Variants in PTPRE observed in about 807,000 individuals in gnomAD.
The protein encoded by PTPRE is protein tyrosine phosphatase receptor type E, also known as receptor-type tyrosine-protein phosphatase epsilon.
A neutral mutation model predicts 102.0 loss-of-function variants in PTPRE; 51 were observed. That is an observed-to-expected ratio of 0.50 (90% CI 0.40 to 0.63). PTPRE has a LOEUF of 0.63. PTPRE is among the 30% of genes least tolerant of loss of function. The pLI is 0.00. For missense variants in PTPRE, 752 were observed against 915.1 expected, an observed-to-expected ratio of 0.82 and a Z score of 2.30; for synonymous variants, 345 against 348.2, an observed-to-expected ratio of 0.99 and a Z score of 0.10.
chr10:127,938,048 A>C (rs912232075), intron 1 of PTPRE, among the ~76,000 whole-genome samples: 1 of 152,192 alleles, frequency 6.6e-6, no homozygotes, highest in Non-Finnish European at 1.5e-5. Flanking sequence ...ATATTTCAGG[A>C]TGGCAGTCAA....
chr10:128,059,002 T>G (rs1209849864), intron 7 of PTPRE, among the ~76,000 whole-genome samples: 7 of 152,204 alleles, frequency 4.6e-5, no homozygotes, highest in African/African-American at 1.7e-4. Flanking sequence ...AGGCCTCTTT[T>G]CTGGAAAAGT....
chr10:128,010,103 C>A (rs573663049), intron 2 of PTPRE, among the ~76,000 whole-genome samples: 1 of 152,328 alleles, frequency 6.6e-6, no homozygotes, highest in Admixed American at 6.5e-5. Flanking sequence ...TCCTTCTGGG[C>A]AGCCCCTGGG....
At chr10:128,011,748 A>C (rs57239035) in intron 2 of PTPRE, among the ~76,000 whole-genome samples, 1,700 of 152,272 alleles carry the variant, frequency 0.011, 29 homozygotes, top group African/African-American at 0.039. Flanking sequence ...TCCCCCCTCC[A>C]CCCCAAGAGG....
chr10:127,931,718 C>G lies in PTPRE; in HGVS notation c.-31+24409C>G, dbSNP rs141115888. Among the ~76,000 whole-genome samples, 25 of 152,358 alleles carry G rather than the reference C, an allele frequency of 1.6e-4. 1 individual carries two copies. In the East Asian group the frequency reaches 4.2e-3, roughly 26 times the overall value. ...AACATATTCCAGAAAAATGACCCCA[C>G]TCCACCTTAGGAATTAGGAGTTTTT... On this transcript the variant is annotated intron_variant, in intron 1 of 20. Transcript: ENST00000254667.
rs760160081 is a variant in PTPRE, at chr10:128,068,110, G to A, written c.844-13G>A. 8.7e-6 allele frequency: 14 copies of A among 1,608,278 alleles called. No homozygotes were observed. Among genetic ancestry groups the A allele is most frequent in the Middle Eastern group, 1.7e-4 (1 of 5,890 alleles). ...TTGTTTCACCCACTCTTGTCTCCCC[G>A]CGTCCCCCGCAGCAGCTCCCCGACG... On this transcript the variant is annotated splice_polypyrimidine_tract_variant and intron_variant, in intron 11 of 20. Coordinates refer to ENST00000254667, the MANE Select transcript of PTPRE (RefSeq NM_006504.6).
intron 6 of PTPRE, among the ~76,000 whole-genome samples, chr10:128,055,031 G>A (rs1008025653): frequency 2.6e-5 from 4 of 152,096 alleles, no homozygotes; most frequent in African/African-American, 4.8e-5. Flanking sequence ...CCCATAAAAC[G>A]GGGACCATCC....
intron 1 of PTPRE, among the ~76,000 whole-genome samples, chr10:127,926,804 CTTTTTTTTTTTT>C (rs150223324): frequency 9.7e-5 from 8 of 82,684 alleles, no homozygotes; most frequent in African/African-American, 3.1e-4. Context: ...AGAGAGTTGT[CTTTTTTTTTTTT>C]TTTTTTTTTT....
chr10:127,909,038 G>A (rs959362143), intron 1 of PTPRE, among the ~76,000 whole-genome samples: 1 of 152,200 alleles, frequency 6.6e-6, no homozygotes, highest in Non-Finnish European at 1.5e-5. Flanking sequence ...AGGACAATGC[G>A]GAAAGTCACA....
intron 2 of PTPRE, among the ~76,000 whole-genome samples, chr10:128,000,927 C>T (rs1853817485): frequency 6.6e-6 from 1 of 152,228 alleles, no homozygotes; most frequent in South Asian, 2.1e-4. Context: ...GAAGCTACCA[C>T]TCCAGGGCCG....
intron 2 of PTPRE, among the ~76,000 whole-genome samples, chr10:127,987,083 C>T (rs1461055287): frequency 1.6e-4 from 25 of 152,092 alleles, no homozygotes; most frequent in Admixed American, 1.6e-3. Context: ...CAGATTAATC[C>T]TTCATTTATT....
At chr10:127,943,528 G>A (rs1848399578) in intron 1 of PTPRE, among the ~76,000 whole-genome samples, 1 of 152,160 alleles carries the variant, frequency 6.6e-6, no homozygotes, top group Non-Finnish European at 1.5e-5. Flanking sequence ...GTTGAAGGAA[G>A]GTCGGTGAAG....
In PTPRE at chr10:128,027,843, G is replaced by A. The variant is rs373446605; in HGVS notation, c.-7-13032G>A. On this transcript the variant is annotated intron_variant, in intron 2 of 20. Coordinates refer to ENST00000254667, the MANE Select transcript of PTPRE (RefSeq NM_006504.6). ...GAGACCCCAATCTGGACCAGAGATG[G>A]TGCCCCTGACGTTTGAGCCCACCTG... Among the ~76,000 whole-genome samples the A allele has an allele frequency of 3.3e-5, 5 of 152,302 alleles. No homozygotes were observed. In the East Asian group the frequency reaches 7.7e-4, roughly 24 times the overall value.
intron 17 of PTPRE, among the ~76,000 whole-genome samples, chr10:128,075,370 C>G (rs1320676054): frequency 6.6e-6 from 1 of 152,130 alleles, no homozygotes; most frequent in Non-Finnish European, 1.5e-5. Flanking sequence ...GTTTGCTGCA[C>G]CTGTCAACCC....
chr10:127,997,730 AT>A (rs1160030584), intron 2 of PTPRE, among the ~76,000 whole-genome samples: 6 of 152,260 alleles, frequency 3.9e-5, no homozygotes, highest in African/African-American at 1.4e-4. Flanking sequence ...CAACAAAAAA[AT>A]ATAGTTTCTC....
intron 10 of PTPRE, among the ~76,000 whole-genome samples, chr10:128,064,223 G>T (rs1034019430): frequency 3.3e-5 from 5 of 152,224 alleles, no homozygotes; most frequent in Non-Finnish European, 5.9e-5. Flanking sequence ...TCTGGTCCCC[G>T]CAGTGCCAGC....
chr10:128,069,648 G>T, intron 12 of PTPRE, 44 bp from the exon 13 acceptor site: 1 of 1,610,270 alleles, frequency 6.2e-7, no homozygotes, highest in Non-Finnish European at 8.5e-7. Flanking sequence ...TTTACTTCGG[G>T]AGGAGTGTGA....
At chr10:127,939,069 G>A (rs1028533450) in intron 1 of PTPRE, among the ~76,000 whole-genome samples, 2 of 152,150 alleles carry the variant, frequency 1.3e-5, no homozygotes, top group African/African-American at 2.4e-5. Context: ...AAAATTTTAT[G>A]AATGCCTTTC....
chr10:128,069,533 A>G (rs1351655681), intron 12 of PTPRE, 159 bp from the exon 13 acceptor site: 2 of 937,830 alleles, frequency 2.1e-6, no homozygotes, highest in Admixed American at 5.0e-5. Flanking sequence ...TACTGAGACC[A>G]CAGCTCCCTC....
intron 1 of PTPRE, among the ~76,000 whole-genome samples, chr10:127,927,026 A>G (rs1847072467): frequency 6.6e-6 from 1 of 151,878 alleles, no homozygotes; most frequent in East Asian, 1.9e-4. Context: ...TGGCCAGGCC[A>G]GTCTCGAACT....
Sources: allele counts gnomAD v4.1 joint callset (sites outside exome capture counted in the v4.1 genomes callset), GRCh38; gene constraint gnomAD v4.1.1; transcripts MANE v1.5; gene names NCBI Gene and HGNC (gene_info 2026-07-23, HGNC 2026-07-21).